Variants in FUT8 observed in about 807,000 individuals in gnomAD.
FUT8 encodes fucosyltransferase 8.
FUT8 carries 29 observed loss-of-function variants against 71.3 expected under a neutral mutation model. That is an observed-to-expected ratio of 0.41 (90% CI 0.30 to 0.55). FUT8 has a LOEUF of 0.55. Among genes scored for constraint, FUT8 ranks in the 20% least tolerant of loss-of-function variants. The probability of loss-of-function intolerance (pLI) is 0.34; values close to 1 mark genes in which losing one functional copy is unlikely to be tolerated. For missense variants in FUT8, 544 were observed against 702.1 expected (o/e 0.77, Z 2.55); for synonymous variants, 254 against 239.3 (o/e 1.06, Z -0.57).
intron 2 of FUT8, among the ~76,000 whole-genome samples, chr14:65,541,580 C>T (rs1397519025): frequency 6.6e-6 from 1 of 152,178 alleles, no homozygotes; most frequent in Non-Finnish European, 1.5e-5. Context: ...CCATCCTCAA[C>T]CTTTTTGTTT....
intron 1 of FUT8, among the ~76,000 whole-genome samples, chr14:65,424,754 G>C (rs143144693): frequency 6.6e-6 from 1 of 152,066 alleles, no homozygotes; most frequent in African/African-American, 2.4e-5. Context: ...TCTGCCTTCT[G>C]ACTCAAGCGA....
chr14:65,525,823 A>G (rs1883427004), intron 2 of FUT8, among the ~76,000 whole-genome samples: 1 of 152,180 alleles, frequency 6.6e-6, no homozygotes, highest in African/African-American at 2.4e-5. Context: ...TTACGTACCC[A>G]GTAGTCATTC....
At chr14:65,408,855 A>G (rs1185054547), upstream of FUT8, among the ~76,000 whole-genome samples, 1 of 152,216 alleles carries the variant, frequency 6.6e-6, no homozygotes, top group Non-Finnish European at 1.5e-5. Context: ...GAATTTGAAA[A>G]TATAGATTCT....
At chr14:65,488,748 G>A (rs1051578657) in intron 2 of FUT8, among the ~76,000 whole-genome samples, 6 of 152,086 alleles carry the variant, frequency 3.9e-5, no homozygotes, top group African/African-American at 1.4e-4. Context: ...ATACCAGACT[G>A]TGTTGGTTAG....
At chr14:65,596,354 T>C (rs1887978514) in intron 3 of FUT8, among the ~76,000 whole-genome samples, 1 of 152,248 alleles carries the variant, frequency 6.6e-6, no homozygotes, top group South Asian at 2.1e-4. Context: ...AACATACTTA[T>C]TAATCATTGC....
intron 6 of FUT8, among the ~76,000 whole-genome samples, chr14:65,636,210 G>A (rs997454185): frequency 6.6e-6 from 1 of 151,946 alleles, no homozygotes; most frequent in Non-Finnish European, 1.5e-5. Context: ...TCTTATTGAG[G>A]TTATTTGGAT....
intron 2 of FUT8, among the ~76,000 whole-genome samples, chr14:65,512,206 C>T (rs1430853074): frequency 2.0e-5 from 3 of 152,138 alleles, no homozygotes; most frequent in Non-Finnish European, 4.4e-5. Flanking sequence ...CTCGGTTGCC[C>T]AGGGTGGAGT....
In FUT8 at chr14:65,660,490, C is replaced by G. The variant is rs1891906319; in HGVS notation, c.598-8753C>G. ...TCTGCCTTTGCTGCAGTCTTTCAGT[C>G]TATAAACTCTGTATCTTGGTATCTT... On this transcript the variant is annotated intron_variant, in intron 6 of 10. Transcript: ENST00000673929. This position sits in a 1 kb window ranked among gnomAD's most constrained non-coding sequence, Gnocchi z 4.1. Among the ~76,000 whole-genome samples the G allele has an allele frequency of 1.3e-5, 2 of 152,130 alleles. No individual in the cohort carries two copies. The highest frequency in any genetic ancestry group is 1.3e-4 in the Admixed American group (2 of 15,266).
At chr14:65,520,720 A>G (rs2139859037) in intron 2 of FUT8, among the ~76,000 whole-genome samples, 1 of 152,206 alleles carries the variant, frequency 6.6e-6, no homozygotes, top group South Asian at 2.1e-4. Flanking sequence ...GTTTAGTAAC[A>G]TTTTAGATGA....
chr14:65,447,941 G>A (rs757040179), intron 1 of FUT8, among the ~76,000 whole-genome samples: 1 of 152,156 alleles, frequency 6.6e-6, no homozygotes, highest in African/African-American at 2.4e-5. Context: ...ACGATAACCA[G>A]CTCCTGGGCT....
chr14:65,358,467 C>CATT, the FUT8 span, among the ~76,000 whole-genome samples: 7 of 151,750 alleles, frequency 4.6e-5, no homozygotes, highest in Non-Finnish European at 8.8e-5. Flanking sequence ...ACTTTTTTTA[C>CATT]ATTATTATTA....
intron 7 of FUT8, among the ~76,000 whole-genome samples, chr14:65,674,697 T>G (rs1247607284): frequency 6.6e-6 from 1 of 152,230 alleles, no homozygotes; most frequent in Admixed American, 6.5e-5. Flanking sequence ...TCAGCAGTTT[T>G]AAGTATTTTT....
intron 2 of FUT8, among the ~76,000 whole-genome samples, chr14:65,519,366 A>G (rs1318718384): frequency 6.6e-6 from 1 of 152,252 alleles, no homozygotes; most frequent in Non-Finnish European, 1.5e-5. Flanking sequence ...GTTGAATTAA[A>G]CAAAGTAAGC....
chr14:65,642,670 G>A lies in FUT8; in HGVS notation c.597+13064G>A, dbSNP rs1330988355. Among the ~76,000 whole-genome samples the A allele has an allele frequency of 2.0e-5, 3 of 150,530 alleles. No individual in the cohort carries two copies. In the East Asian group the frequency reaches 5.8e-4, roughly 29 times the overall value. The stretch of plus-strand genomic sequence containing the variant: ...GTCATGTGTGTCTGTCTTTCTGTTA[G>A]TACCACACTGTCTTGGTTACTAGCT... On this transcript the variant is annotated intron_variant, in intron 6 of 10. Coordinates refer to ENST00000673929, the MANE Select transcript of FUT8 (RefSeq NM_001371533.1).
intron 5 of FUT8, among the ~76,000 whole-genome samples, chr14:65,624,147 T>C (rs1889771508): frequency 6.6e-6 from 1 of 152,244 alleles, no homozygotes; most frequent in African/African-American, 2.4e-5. Flanking sequence ...TGGACTTAAT[T>C]GTCTTGCTTA....
At chr14:65,438,516 G>A (rs2065594612) in intron 1 of FUT8, among the ~76,000 whole-genome samples, 1 of 152,168 alleles carries the variant, frequency 6.6e-6, no homozygotes, top group Admixed American at 6.5e-5. Context: ...TAGATCATGA[G>A]GATAGGGGCT....
chr14:65,529,460 C>A (rs140155698), intron 2 of FUT8: 1 of 152,378 alleles, frequency 6.6e-6, no homozygotes, highest in Non-Finnish European at 1.5e-5. Context: ...TTCGAACTGC[C>A]GACATCAGGT....
chr14:65,520,897 T>C (rs1252759590), intron 2 of FUT8, among the ~76,000 whole-genome samples: 1 of 152,160 alleles, frequency 6.6e-6, no homozygotes, highest in Admixed American at 6.5e-5. Context: ...AATTGTATAT[T>C]TAGCTATGAA....
chr14:65,696,537 G>T (rs572056359), intron 7 of FUT8, among the ~76,000 whole-genome samples: 1 of 152,050 alleles, frequency 6.6e-6, no homozygotes, highest in African/African-American at 2.4e-5. Context: ...TATTTCTTTG[G>T]GGTTTTTTGT....
Sources: allele counts gnomAD v4.1 joint callset (sites outside exome capture counted in the v4.1 genomes callset), GRCh38; gene constraint gnomAD v4.1.1; non-coding constraint Gnocchi (gnomAD v3.1); transcripts MANE v1.5; gene names NCBI Gene and HGNC (gene_info 2026-07-23, HGNC 2026-07-21).